The following ADGRL3 variants were observed in gnomAD, a reference collection of about 807,000 sequenced individuals.
ADGRL3 encodes the protein calcium-independent alpha-latrotoxin receptor 3.
A neutral mutation model predicts 153.5 loss-of-function variants in ADGRL3; 62 were observed. The ratio of observed to expected loss-of-function variants is 0.40; its 90% confidence interval spans 0.33 to 0.50. ADGRL3 has a LOEUF of 0.50. Among genes scored for constraint, ADGRL3 ranks in the 20% least tolerant of loss-of-function variants. The pLI, the probability that ADGRL3 is intolerant of heterozygous loss-of-function variation, is 0.47. For missense variants in ADGRL3, 1,641 were observed against 1,859.4 expected (o/e 0.88, Z 2.16); for synonymous variants, 710 against 672.5 (o/e 1.06, Z -0.86).
At chr4:61,612,543 C>T (rs1379575038) in intron 5 of ADGRL3, among the ~76,000 whole-genome samples, 1 of 152,142 alleles carries the variant, frequency 6.6e-6, no homozygotes, top group African/African-American at 2.4e-5. Context: ...TAACCTTTTC[C>T]TTACTTCTAC....
At chr4:61,415,077 C>T (rs2097131113) in intron 2 of ADGRL3, among the ~76,000 whole-genome samples, 1 of 151,602 alleles carries the variant, frequency 6.6e-6, no homozygotes, top group Non-Finnish European at 1.5e-5. Context: ...TAGAAAATAA[C>T]TTTAGGTATT....
intron 2 of ADGRL3, among the ~76,000 whole-genome samples, chr4:61,422,676 G>C (rs149354833): frequency 7.2e-5 from 11 of 152,136 alleles, no homozygotes; most frequent in Middle Eastern, 3.4e-3. Flanking sequence ...ATAAAAGTTA[G>C]TAACACCCTG....
chr4:61,876,478 A>C (rs2149441070), intron 9 of ADGRL3, among the ~76,000 whole-genome samples: 1 of 152,288 alleles, frequency 6.6e-6, no homozygotes, highest in African/African-American at 2.4e-5. Flanking sequence ...TTCCTGAATT[A>C]ATGTCTAGAA....
intron 1 of ADGRL3, among the ~76,000 whole-genome samples, chr4:61,217,991 G>T (rs1743648821): frequency 6.6e-6 from 1 of 152,130 alleles, no homozygotes; most frequent in African/African-American, 2.4e-5. Flanking sequence ...GTTTAGTAAA[G>T]ACAGTAGACT....
intron 15 of ADGRL3, among the ~76,000 whole-genome samples, chr4:61,936,781 T>TACACACACACACACACACACACACAC (rs71666904): frequency 3.6e-5 from 5 of 138,734 alleles, no homozygotes; most frequent in South Asian, 2.3e-4. Flanking sequence ...TACATATGCA[T>TACACACACACACACACACACACACAC]ACACACACAC....
At chr4:61,243,406 A>G (rs1755755858) in intron 1 of ADGRL3, among the ~76,000 whole-genome samples, 1 of 152,032 alleles carries the variant, frequency 6.6e-6, no homozygotes, top group African/African-American at 2.4e-5. Flanking sequence ...ATTGAAGAAT[A>G]TAGACATCAA....
chr4:61,767,008 C>T (rs2096992401), intron 8 of ADGRL3, among the ~76,000 whole-genome samples: 1 of 151,932 alleles, frequency 6.6e-6, no homozygotes, highest in Non-Finnish European at 1.5e-5. Context: ...TGATAACAGG[C>T]TTTAATCTTT....
chr4:61,506,118 A>G (rs2098426565), intron 3 of ADGRL3, among the ~76,000 whole-genome samples: 2 of 152,220 alleles, frequency 1.3e-5, no homozygotes, highest in East Asian at 1.9e-4. Flanking sequence ...TCCAAGATAT[A>G]TGGCCTTAAA....
intron 5 of ADGRL3, among the ~76,000 whole-genome samples, chr4:61,602,788 A>C (rs1461460960): frequency 1.3e-5 from 2 of 152,208 alleles, no homozygotes; most frequent in African/African-American, 4.8e-5. Flanking sequence ...AAAACAGTTT[A>C]TCCTTCACTA....
At position 61,817,151 on chromosome 4, in the gene ADGRL3, C is replaced by G. The variant is rs890251386; in HGVS notation, c.1480+3262C>G. On this transcript the variant is annotated intron_variant, in intron 9 of 26. Coordinates refer to ENST00000683033, the MANE Select transcript of ADGRL3 (RefSeq NM_001387552.1). The stretch of plus-strand genomic sequence containing the variant: ...GGTAGCTTGGCACAGGTCTGCAGAC[C>G]CCCCCCCCCCCACCAAGGCATGAAA... Among the ~76,000 whole-genome samples the G allele has an allele frequency of 1.8e-3, 133 of 74,504 alleles. 2 individuals carry two copies. The highest frequency in any genetic ancestry group is 6.6e-3 in the Admixed American group (40 of 6,094). 48.9% of individuals were successfully genotyped at this position (74,504 alleles called of 152,430 possible).
intron 8 of ADGRL3, among the ~76,000 whole-genome samples, chr4:61,773,405 A>C (rs1038711450): frequency 3.3e-5 from 5 of 152,208 alleles, no homozygotes; most frequent in Non-Finnish European, 5.9e-5. Context: ...TGCAATAATA[A>C]TGCAAAACAA....
At chr4:61,874,730 G>A (rs1362528529) in intron 9 of ADGRL3, among the ~76,000 whole-genome samples, 1 of 146,994 alleles carries the variant, frequency 6.8e-6, no homozygotes, top group Non-Finnish European at 1.5e-5. Context: ...ACCCCCTCAC[G>A]TGATAACCAT....
chr4:61,535,950 T>A (rs2098653246), intron 4 of ADGRL3, among the ~76,000 whole-genome samples: 1 of 152,056 alleles, frequency 6.6e-6, no homozygotes, highest in African/African-American at 2.4e-5. Context: ...TTGAGTTTGG[T>A]TTGTTCTTAT....
chr4:61,877,745 G>A (rs2149452233), intron 9 of ADGRL3, among the ~76,000 whole-genome samples: 1 of 152,184 alleles, frequency 6.6e-6, no homozygotes. Context: ...TCTTCACGTG[G>A]TCATCCTGAT....
chr4:61,561,917 G>C (rs1312185551), intron 4 of ADGRL3, among the ~76,000 whole-genome samples: 6 of 151,928 alleles, frequency 3.9e-5, no homozygotes, highest in Non-Finnish European at 8.8e-5. Context: ...TGGGATTACA[G>C]GCATGCACCA....
chr4:61,759,747 C>A (rs112372748), intron 8 of ADGRL3, among the ~76,000 whole-genome samples: 4 of 152,218 alleles, frequency 2.6e-5, no homozygotes, highest in African/African-American at 7.2e-5. Flanking sequence ...GAGAGGCACT[C>A]TGATTTTTAG....
chr4:61,924,918 G>T (rs890775834), intron 13 of ADGRL3, among the ~76,000 whole-genome samples: 2 of 151,956 alleles, frequency 1.3e-5, no homozygotes, highest in African/African-American at 2.4e-5. Context: ...TTTATTATTT[G>T]CTTCCCTTGC....
At chr4:62,003,465 T>C (rs1043210075) in intron 21 of ADGRL3, among the ~76,000 whole-genome samples, 1 of 152,174 alleles carries the variant, frequency 6.6e-6, no homozygotes, top group Non-Finnish European at 1.5e-5. Flanking sequence ...CTGTAATGTT[T>C]ACACGACCTT....
intron 4 of ADGRL3, among the ~76,000 whole-genome samples, chr4:61,559,014 A>C: frequency 6.6e-6 from 1 of 152,114 alleles, no homozygotes; most frequent in East Asian, 1.9e-4. Context: ...GCAAAATAGT[A>C]ATTATAATAA....
Sources: allele counts gnomAD v4.1 joint callset (sites outside exome capture counted in the v4.1 genomes callset), GRCh38; gene constraint gnomAD v4.1.1; transcripts MANE v1.5; gene names NCBI Gene and HGNC (gene_info 2026-07-23, HGNC 2026-07-21).